Variants in JAKMIP3 observed in about 807,000 individuals in gnomAD.
JAKMIP3 encodes the protein janus kinase and microtubule-interacting protein 3.
JAKMIP3 carries 58 observed loss-of-function variants against 118.5 expected under a neutral mutation model. The observed-to-expected ratio is 0.49, with a 90% CI of 0.40 to 0.61. The LOEUF is 0.61. JAKMIP3 is among the 20% of genes least tolerant of loss of function. The pLI, the probability that JAKMIP3 is intolerant of heterozygous loss-of-function variation, is 0.00. For missense variants in JAKMIP3, 950 were observed against 1,109.0 expected, an observed-to-expected ratio of 0.86 and a Z score of 2.04; for synonymous variants, 486 against 451.2, an observed-to-expected ratio of 1.08 and a Z score of -0.98.
At chr10:132,134,352 T>C (rs556344209) in intron 4 of JAKMIP3, among the ~76,000 whole-genome samples, 1 of 152,306 alleles carries the variant, frequency 6.6e-6, no homozygotes, top group Non-Finnish European at 1.5e-5. Context: ...ATAGAAAATA[T>C]TATTTTAAGA....
In JAKMIP3 at chr10:132,123,025, G is replaced by A. The variant is rs146382333; in HGVS notation, c.633+5451G>A. On this transcript the variant is annotated intron_variant, in intron 3 of 23. Coordinates refer to ENST00000684848, the MANE Select transcript of JAKMIP3 (RefSeq NM_001323087.2). ...GGAACCTGGAGCCTCGGAAGGCTCC[G>A]GAGCCAAATCCTCGTCTGCGCATGG... Among the ~76,000 whole-genome samples, 123 of 152,328 alleles carry A rather than the reference G, an allele frequency of 8.1e-4. 1 individual carries two copies. The highest frequency in any genetic ancestry group is 2.8e-3 in the African/African-American group (117 of 41,570).
intron 14 of JAKMIP3, 114 bp downstream of exon 14, chr10:132,148,164 A>ATG: frequency 2.8e-5 from 11 of 388,254 alleles, no homozygotes; most frequent in East Asian, 6.3e-5. Flanking sequence ...ACATGAACCC[A>ATG]AAAGGCTGCG....
At chr10:132,056,857 C>T (rs2038250624) in intron 1 of JAKMIP3, among the ~76,000 whole-genome samples, 2 of 152,182 alleles carry the variant, frequency 1.3e-5, no homozygotes, top group African/African-American at 4.8e-5. Flanking sequence ...GATCCATTTC[C>T]AGAATACCAG....
At chr10:132,129,037 A>G (rs1310778957) in intron 3 of JAKMIP3, among the ~76,000 whole-genome samples, 3 of 152,076 alleles carry the variant, frequency 2.0e-5, no homozygotes. Flanking sequence ...GATTTTCATT[A>G]TATTCTTGGC....
chr10:132,082,715 A>G (rs2041933811), intron 1 of JAKMIP3, among the ~76,000 whole-genome samples: 4 of 151,790 alleles, frequency 2.6e-5, no homozygotes, highest in Admixed American at 2.6e-4. Flanking sequence ...GGTTCAAGCG[A>G]TTCTCCTGCC....
chr10:132,041,552 T>C (rs928002597), intron 1 of JAKMIP3, among the ~76,000 whole-genome samples: 6 of 152,254 alleles, frequency 3.9e-5, no homozygotes, highest in Non-Finnish European at 5.9e-5. Flanking sequence ...CTTCTGGTGT[T>C]GGGAGTATGG....
At position 132,071,848 on chromosome 10, in the gene JAKMIP3, T is replaced by C. The variant is rs1436970325; in HGVS notation, c.-138+5787T>C. On this transcript the variant is annotated intron_variant, in intron 1 of 23. Coordinates refer to ENST00000684848, the MANE Select transcript of JAKMIP3 (RefSeq NM_001323087.2). ...TTTCCTTTCTTCCCTTTCCTTTCTT[T>C]CTTTCCTTTCTTTCCTTTCTTTCTT... Among the ~76,000 whole-genome samples the C allele has an allele frequency of 2.4e-5, 3 of 126,868 alleles. No individual in the cohort carries two copies. In the East Asian group the frequency reaches 7.8e-4, roughly 33 times the overall value. The allele number at this position is 126,868 out of a possible 152,430, so 83.2% of individuals were successfully genotyped here.
intron 19 of JAKMIP3, among the ~76,000 whole-genome samples, chr10:132,156,732 G>A (rs1034769387): frequency 5.3e-5 from 8 of 152,178 alleles, no homozygotes; most frequent in African/African-American, 1.7e-4. Flanking sequence ...AGACCAGCAC[G>A]AGGCCTGGCA....
chr10:132,159,875 G>GCCTCTCCCTGTGTGATGCTGGGGGGT (rs1564982809), intron 19 of JAKMIP3, among the ~76,000 whole-genome samples: 1 of 10,132 alleles, frequency 9.9e-5, no homozygotes. Context: ...ATGCTGGGGG[G>GCCTCTCCCTGTGTGATGCTGGGGGGT]GTCTCTTCCT....
intron 1 of JAKMIP3, among the ~76,000 whole-genome samples, chr10:132,089,050 C>T (rs1232785793): frequency 1.3e-5 from 2 of 152,230 alleles, no homozygotes; most frequent in East Asian, 3.9e-4. Flanking sequence ...GGGCTCTGTT[C>T]TGTTCCATTG....
In JAKMIP3 at chr10:132,096,930, G is replaced by A. The variant is rs1037337293; in HGVS notation, c.-137-7742G>A. 1.8e-4 allele frequency among the ~76,000 whole-genome samples: 28 copies of A among 152,194 alleles called. 1 individual carries two copies. Among genetic ancestry groups the A allele is most frequent in the South Asian group, 6.2e-4 (3 of 4,834 alleles). ...GGCTCAGACAAACCATCCCCAAGAA[G>A]AGCCTGCTTCCTCCAGCCACAGAAC... On this transcript the variant is annotated intron_variant, in intron 1 of 23. Coordinates refer to ENST00000684848, the MANE Select transcript of JAKMIP3 (RefSeq NM_001323087.2).
intron 1 of JAKMIP3, among the ~76,000 whole-genome samples, chr10:132,097,415 T>C (rs1390151115): frequency 3.3e-5 from 5 of 151,928 alleles, no homozygotes; most frequent in African/African-American, 1.2e-4. Flanking sequence ...CATGGTAACC[T>C]GCGTGGCCCT....
At chr10:132,124,873 A>G (rs775030144) in intron 3 of JAKMIP3, among the ~76,000 whole-genome samples, 1 of 152,366 alleles carries the variant, frequency 6.6e-6, no homozygotes, top group Non-Finnish European at 1.5e-5. Context: ...CATCAGTGAC[A>G]GTATTGCCAT....
chr10:132,118,298 G>A lies in JAKMIP3; in HGVS notation c.633+724G>A, dbSNP rs978322775. 1.2e-4 allele frequency among the ~76,000 whole-genome samples: 18 copies of A among 152,228 alleles called. No individual in the cohort carries two copies. The highest frequency in any genetic ancestry group is 2.7e-4 in the African/African-American group (11 of 41,448). On this transcript the variant is annotated intron_variant, in intron 3 of 23. Transcript: ENST00000684848. The surrounding 1 kb of genome is among the most constrained non-coding windows in gnomAD (Gnocchi z 4.8). ...CTCAAAGGCCCAGGGTTCAGCTGAC[G>A]AGAATGTCCAGGGATTGCAAGGGAC...
chr10:132,133,652 G>T, intron 4 of JAKMIP3, 125 bp downstream of exon 4: 1 of 867,032 alleles, frequency 1.2e-6, no homozygotes. Flanking sequence ...GCACCCTCCT[G>T]CCTGGGCACC....
intron 2 of JAKMIP3, among the ~76,000 whole-genome samples, 182 bp downstream of exon 2, chr10:132,105,125 G>T (rs1482848522): frequency 6.6e-6 from 1 of 152,170 alleles, no homozygotes; most frequent in African/African-American, 2.4e-5. Context: ...AGACTTGAGG[G>T]CCTGTAGGCA....
At position 132,163,983 on chromosome 10, in the gene JAKMIP3, A is replaced by G. The variant is rs868025228; in HGVS notation, c.2424+571A>G. On this transcript the variant is annotated intron_variant, in intron 20 of 23. Transcript: ENST00000684848. ...TGCTGACTAGATGGCCTGGATGTGT[A>G]GGACACGGCCCAGCTTCTCCGTGAG... Among the ~76,000 whole-genome samples the G allele has an allele frequency of 3.0e-4, 45 of 152,240 alleles. 1 individual carries two copies. Among genetic ancestry groups the G allele is most frequent in the African/African-American group, 1.1e-3 (44 of 41,466 alleles).
chr10:132,173,283 T>C (rs1174770310), intron 23 of JAKMIP3, among the ~76,000 whole-genome samples: 1 of 140,436 alleles, frequency 7.1e-6, no homozygotes, highest in African/African-American at 2.7e-5. Flanking sequence ...ATGCCTCCAA[T>C]TCCAGGCCAA....
chr10:132,038,812 C>T (rs1460399309), intron 1 of JAKMIP3, among the ~76,000 whole-genome samples: 1 of 144,380 alleles, frequency 6.9e-6, no homozygotes, highest in East Asian at 2.0e-4. Flanking sequence ...AAAAAAAAAC[C>T]ATCATAAACA....
Sources: allele counts gnomAD v4.1 joint callset (sites outside exome capture counted in the v4.1 genomes callset), GRCh38; gene constraint gnomAD v4.1.1; non-coding constraint Gnocchi (gnomAD v3.1); transcripts MANE v1.5; gene names NCBI Gene and HGNC (gene_info 2026-07-23, HGNC 2026-07-21).